IVD: variants seen among roughly 807,000 people sequenced by gnomAD.
IVD encodes isovaleryl-CoA dehydrogenase, mitochondrial.
Under a neutral mutation model 51.3 loss-of-function variants are expected in IVD, and 31 were observed. The observed-to-expected ratio is 0.60, with a 90% CI of 0.45 to 0.81. IVD has a LOEUF of 0.81. Among genes scored for constraint, IVD ranks in the 40% least tolerant of loss-of-function variants. The pLI is 0.00. For missense variants in IVD, 475 were observed against 552.0 expected (o/e 0.86, Z 1.40); for synonymous variants, 205 against 219.4 (o/e 0.93, Z 0.58).
intron 3 of IVD, among the ~76,000 whole-genome samples, chr15:40,408,340 C>T (rs747320392): frequency 6.6e-6 from 1 of 152,236 alleles, no homozygotes; most frequent in Non-Finnish European, 1.5e-5. Flanking sequence ...CTCAGTCTTA[C>T]TGCCTCCCCT....
chr15:40,410,728 C>T lies in IVD; in HGVS notation c.387C>T (p.His129=), dbSNP rs373073337. 4 of 1,614,126 alleles carry T rather than the reference C, an allele frequency of 2.5e-6. No individual in the cohort carries two copies. The African/African-American group carries it at 5.3e-5, about 22-fold the overall frequency. ...CAGTGGGGCTCAGTTACGGTGCCCA[C>T]TCCAACCTCTGCATCAACCAGCTTG... The part of the protein sequence containing the change: ...SGAVGLSYGA[H]SNLCINQLVR... The change falls in exon 4 of 12, where the codon CAC becomes CAT. Residue 129 remains histidine, a synonymous_variant. Transcript: ENST00000487418.
chr15:40,418,662 G>A lies in IVD; in HGVS notation c.*399G>A. On this transcript the variant is annotated 3_prime_UTR_variant, in exon 12 of 12. Transcript: ENST00000487418. ...GTACCCACCTCTTTCTCTTGGGTGAGGCTCTGGCAAGGAGATCTCTCTGCT... is the reference window on the plus strand; with the variant it reads ...GTACCCACCTCTTTCTCTTGGGTGAAGCTCTGGCAAGGAGATCTCTCTGCT... The A allele has an allele frequency of 8.7e-7, 1 of 1,146,460 alleles. No individual in the cohort carries two copies. The highest frequency in any genetic ancestry group is 1.1e-6 in the Non-Finnish European group (1 of 923,124). 71.0% of individuals were successfully genotyped at this position (1,146,460 alleles called of 1,614,324 possible). A position where few individuals can be genotyped will look rare whatever the true frequency, so the allele number is the denominator to read the frequency against.
At chr15:40,406,451 C>T (rs1890429179) in intron 1 of IVD, 3 of 769,988 alleles carry the variant, frequency 3.9e-6, no homozygotes, top group Non-Finnish European at 5.7e-6. Context: ...TCTCCTGTCG[C>T]TCTTCAGCCC....
At chr15:40,423,712 G>A (rs772310900), downstream of IVD, among the ~76,000 whole-genome samples, 4 of 151,868 alleles carry the variant, frequency 2.6e-5, no homozygotes, top group Admixed American at 6.6e-5. Flanking sequence ...TGCCCACCTC[G>A]GCCCCCCAAA....
intron 3 of IVD, among the ~76,000 whole-genome samples, chr15:40,409,835 CTT>C (rs11365500): frequency 2.1e-4 from 28 of 131,690 alleles, no homozygotes; most frequent in Admixed American, 7.2e-4. Context: ...CTGCTTCTTT[CTT>C]TTTTTTTTTT....
chr15:40,413,257 C>T, intron 7 of IVD, 170 bp downstream of exon 7: 1 of 674,026 alleles, frequency 1.5e-6, no homozygotes, highest in Non-Finnish European at 2.7e-6. Context: ...TCCTTCCTGG[C>T]CAGGGCCCTG....
rs750569823 is a variant in IVD at position 40,415,396 on chromosome 15, G to A, written c.879-5G>A. 1.6e-4 allele frequency: 256 copies of A among 1,613,794 alleles called. No individual in the cohort carries two copies. Among genetic ancestry groups the A allele is most frequent in the Non-Finnish European group, 2.1e-4 (245 of 1,179,802 alleles). The stretch of plus-strand genomic sequence containing the variant: ...TGCCCACGGGGCCTTTCTCCTTTCT[G>A]ACAGGCTCATGCAAGCGGTCCTGGA... On this transcript the variant is annotated splice_polypyrimidine_tract_variant and splice_region_variant and intron_variant, in intron 8 of 11. Coordinates refer to ENST00000487418, the MANE Select transcript of IVD (RefSeq NM_002225.5).
intron 6 of IVD, 149 bp from the exon 7 acceptor site, chr15:40,412,842 C>CG (rs1891224501): frequency 5.9e-6 from 4 of 677,254 alleles, no homozygotes; most frequent in Non-Finnish European, 2.7e-6. Flanking sequence ...CGGAAGGTCC[C>CG]GGGGGGAGCA....
Position 40,418,369 on chromosome 15 carries a change from G to A in IVD, c.*106G>A, listed in dbSNP as rs1891945416. ...CCACAGCAGGCCCTCCTGCCCAGCT[G>A]CTCTTGTCAGCCCTCTGGCCTCTGG... On this transcript the variant is annotated 3_prime_UTR_variant, in exon 12 of 12. Transcript: ENST00000487418. 6.3e-7 allele frequency: 1 copy of A among 1,595,444 alleles called. No individual in the cohort carries two copies. The highest frequency in any genetic ancestry group is 8.5e-7 in the Non-Finnish European group (1 of 1,175,284).
intron 1 of IVD, chr15:40,406,376 A>C: frequency 1.5e-6 from 2 of 1,294,314 alleles, no homozygotes; most frequent in Non-Finnish European, 2.0e-6. Context: ...CTGGGTGGTC[A>C]TCGTAATCAC....
Position 40,418,364 on chromosome 15 carries a change from C to A in IVD, c.*101C>A. 1 of 1,598,394 alleles carries A rather than the reference C, an allele frequency of 6.3e-7. No homozygotes were observed. Among genetic ancestry groups the A allele is most frequent in the East Asian group, 2.2e-5 (1 of 44,594 alleles). ...CCTGCCCACAGCAGGCCCTCCTGCC[C>A]AGCTGCTCTTGTCAGCCCTCTGGCC... On this transcript the variant is annotated 3_prime_UTR_variant, in exon 12 of 12. Transcript: ENST00000487418.
chr15:40,425,103 G>A (rs2034650), downstream of IVD, among the ~76,000 whole-genome samples: 70,839 of 152,100 alleles, frequency 0.47, 18,428 homozygotes, highest in East Asian at 0.79. Context: ...TGCTAGCTGA[G>A]GACGAGAATG....
chr15:40,406,641 AAAG>A (rs1890449171), intron 1 of IVD, among the ~76,000 whole-genome samples: 1 of 152,200 alleles, frequency 6.6e-6, no homozygotes, highest in Non-Finnish European at 1.5e-5. Flanking sequence ...AAAAAATAGA[AAAG>A]AAGACGAAGT....
intron 4 of IVD, 49 bp from the exon 5 acceptor site, chr15:40,411,211 T>C (rs369759141): frequency 1.9e-6 from 3 of 1,556,770 alleles, no homozygotes; most frequent in African/African-American, 2.7e-5. Context: ...TGAGCTGCTC[T>C]AGGGTACTCT....
chr15:40,418,327 C>A lies in IVD; in HGVS notation c.*64C>A, dbSNP rs538799297. 2 of 1,607,838 alleles carry A rather than the reference C, an allele frequency of 1.2e-6. No homozygotes were observed. The highest frequency in any genetic ancestry group is 1.7e-6 in the Non-Finnish European group (2 of 1,178,148). Reference sequence around the variant, plus strand: ...CCTTTCTTGGGAAGTAGAGATGTGGCGGCTTTCCCACCCTGCCCACAGCAG... The same window carrying A: ...CCTTTCTTGGGAAGTAGAGATGTGGAGGCTTTCCCACCCTGCCCACAGCAG... On this transcript the variant is annotated 3_prime_UTR_variant, in exon 12 of 12. Coordinates refer to ENST00000487418, the MANE Select transcript of IVD (RefSeq NM_002225.5).
downstream of IVD, among the ~76,000 whole-genome samples, chr15:40,423,338 C>G (rs1256345414): frequency 1.3e-5 from 2 of 152,216 alleles, no homozygotes; most frequent in African/African-American, 2.4e-5. Context: ...CCTCCTATCC[C>G]CATTCCCACT....
intron 8 of IVD, among the ~76,000 whole-genome samples, chr15:40,434,510 G>A (rs1461777724): frequency 1.3e-5 from 2 of 152,196 alleles, no homozygotes; most frequent in East Asian, 3.8e-4. Flanking sequence ...AAAGCCATAG[G>A]CCTGCCCTCC....
chr15:40,418,068 C>G (rs1891903142), intron 11 of IVD, 62 bp from the exon 12 acceptor site: 2 of 1,608,018 alleles, frequency 1.2e-6, no homozygotes, highest in African/African-American at 1.3e-5. Context: ...ACTTGGCATT[C>G]TGTTTGCTTT....
In IVD at chr15:40,415,468, A is replaced by C; in HGVS notation, c.946A>C (p.Ile316Leu). The C allele has an allele frequency of 6.2e-7, 1 of 1,614,088 alleles. No homozygotes were observed. The highest frequency in any genetic ancestry group is 8.5e-7 in the Non-Finnish European group (1 of 1,179,964). ...CGTGAGGGAAGCCTTTGGCCAGAAG[A>C]TCGGCCACTTCCAGGTGAGCCGAGT... The part of the protein sequence containing the change: ...LHVREAFGQK[I>L]GHFQLMQGKM... The change falls in exon 9 of 12, where the codon ATC becomes CTC. Residue 316 changes from isoleucine (I) to leucine (L), a missense_variant. Physicochemically the swap from Ile to Leu is conservative, Grantham distance 5. Transcript: ENST00000487418.
Sources: gnomAD v4.1 joint callset for allele counts (sites outside exome capture counted in the v4.1 genomes callset) on GRCh38, gnomAD v4.1.1 for gene constraint, MANE v1.5 for transcripts, NCBI Gene and HGNC (gene_info 2026-07-23, HGNC 2026-07-21) for gene names.